SMAD1: variants seen among roughly 807,000 people sequenced by gnomAD.
The protein encoded by SMAD1 is MAD, mothers against decapentaplegic homolog 1.
In SMAD1, 6 loss-of-function variants were observed where a neutral mutation model predicts 41.6. That is an observed-to-expected ratio of 0.14 (90% CI 0.08 to 0.28). The LOEUF (loss-of-function observed/expected upper bound fraction) is 0.28. Ranked by LOEUF, SMAD1 falls within the 10% of genes least tolerant of loss-of-function variation. SMAD1 has a pLI of 1.00. For missense variants in SMAD1, 379 were observed against 582.6 expected (o/e 0.65, Z 3.60); for synonymous variants, 206 against 203.2 (o/e 1.01, Z -0.12).
intron 5 of SMAD1, 152 bp downstream of exon 5, chr4:145,547,076 C>A (rs1732288094): frequency 1.5e-6 from 1 of 665,852 alleles, no homozygotes; most frequent in Non-Finnish European, 2.6e-6. Context: ...CCAGTTTCTG[C>A]TATCTGGAAG....
chr4:145,557,738 A>T, intron 6 of SMAD1, 53 bp from the exon 7 acceptor site: 1 of 1,397,580 alleles, frequency 7.2e-7, no homozygotes, highest in Non-Finnish European at 9.8e-7. Flanking sequence ...TTACTTAATA[A>T]GTTTAACCAC....
At chr4:145,498,187 A>T (rs1289446448) in intron 1 of SMAD1, 2 of 152,222 alleles carry the variant, frequency 1.3e-5, no homozygotes, top group Non-Finnish European at 2.9e-5. Flanking sequence ...AACAGTTAAT[A>T]AAAAGGGGAG....
chr4:145,501,513 C>T (rs1402486210), intron 1 of SMAD1, among the ~76,000 whole-genome samples: 7 of 152,170 alleles, frequency 4.6e-5, no homozygotes, highest in East Asian at 3.9e-4. Context: ...GAGTTCAGGC[C>T]GTCCTGCTTT....
At chr4:145,524,842 A>G (rs1030333366) in intron 2 of SMAD1, among the ~76,000 whole-genome samples, 1 of 152,204 alleles carries the variant, frequency 6.6e-6, no homozygotes, top group African/African-American at 2.4e-5. Context: ...AACCATAGAA[A>G]AACATTTGTC....
chr4:145,511,918 C>T (rs1231906138), intron 1 of SMAD1, among the ~76,000 whole-genome samples: 1 of 152,154 alleles, frequency 6.6e-6, no homozygotes, highest in African/African-American at 2.4e-5. Context: ...CTGAAGAATT[C>T]CTGTTAGTAT....
At chr4:145,534,989 A>G (rs1262235313) in intron 2 of SMAD1, among the ~76,000 whole-genome samples, 1 of 152,192 alleles carries the variant, frequency 6.6e-6, no homozygotes, top group Non-Finnish European at 1.5e-5. Flanking sequence ...ACAGGCTAGT[A>G]TCTCTAGTAT....
chr4:145,527,316 C>G (rs893913287), intron 2 of SMAD1, among the ~76,000 whole-genome samples: 1 of 151,356 alleles, frequency 6.6e-6, no homozygotes, highest in Non-Finnish European at 1.5e-5. Flanking sequence ...CTCCGCCTCC[C>G]GGGTTCACGC....
At chr4:145,532,354 T>A (rs1731363383) in intron 2 of SMAD1, among the ~76,000 whole-genome samples, 1 of 152,206 alleles carries the variant, frequency 6.6e-6, no homozygotes, top group Admixed American at 6.5e-5. Context: ...GAAGATAGCT[T>A]CAGCCTTTTA....
At chr4:145,512,937 G>T (rs1180008505) in intron 1 of SMAD1, among the ~76,000 whole-genome samples, 1 of 152,208 alleles carries the variant, frequency 6.6e-6, no homozygotes, top group Non-Finnish European at 1.5e-5. Context: ...TGTAAAGACT[G>T]ATCCGTTTCA....
Position 145,514,362 on chromosome 4 carries a change from C to A in SMAD1, c.-176-76C>A. The A allele has an allele frequency of 2.4e-6, 1 of 417,510 alleles. No homozygotes were observed. 25.9% of individuals were successfully genotyped at this position (417,510 alleles called of 1,614,324 possible). ...TACATAAAAGCACTTAAAATAGTACCTAGCACATGGTGATTACTTAATAAA... is the reference window on the plus strand; with the variant it reads ...TACATAAAAGCACTTAAAATAGTACATAGCACATGGTGATTACTTAATAAA... On this transcript the variant is annotated intron_variant, in intron 1 of 6. Coordinates refer to ENST00000302085, the MANE Select transcript of SMAD1 (RefSeq NM_005900.3). The surrounding 1 kb of genome is among the most constrained non-coding windows in gnomAD (Gnocchi z 4.7).
intron 5 of SMAD1, among the ~76,000 whole-genome samples, chr4:145,549,877 A>G (rs1732463431): frequency 6.6e-6 from 1 of 152,240 alleles, no homozygotes. Flanking sequence ...ATACATAGAT[A>G]TCTTTCTGTG....
chr4:145,500,596 A>G (rs915095406), intron 1 of SMAD1, among the ~76,000 whole-genome samples: 1 of 152,158 alleles, frequency 6.6e-6, no homozygotes, highest in Non-Finnish European at 1.5e-5. Flanking sequence ...CCACCAAGGC[A>G]CAGAAACAGA....
chr4:145,497,351 T>C (rs1729141750), intron 1 of SMAD1: 1 of 152,236 alleles, frequency 6.6e-6, no homozygotes, highest in African/African-American at 2.4e-5. Flanking sequence ...GCACGTATGT[T>C]TCTCCTTAGA....
intron 1 of SMAD1, chr4:145,497,288 C>T (rs968512477): frequency 1.3e-5 from 2 of 152,190 alleles, no homozygotes; most frequent in Non-Finnish European, 2.9e-5. Flanking sequence ...TAACACCGAG[C>T]TCAGGATGCG....
At chr4:145,513,671 C>T (rs1167947989) in intron 1 of SMAD1, among the ~76,000 whole-genome samples, 1 of 151,946 alleles carries the variant, frequency 6.6e-6, no homozygotes, top group Non-Finnish European at 1.5e-5. Context: ...ATTTGTAGAA[C>T]AAACCAAAAA....
At chr4:145,511,062 T>A (rs1050357960) in intron 1 of SMAD1, among the ~76,000 whole-genome samples, 3 of 152,168 alleles carry the variant, frequency 2.0e-5, no homozygotes, top group African/African-American at 7.2e-5. Flanking sequence ...ATTTTTCCAC[T>A]CTCTTGCTTT....
At chr4:145,542,723 CT>C in intron 4 of SMAD1, 25 bp downstream of exon 4, 4 of 1,461,524 alleles carry the variant, frequency 2.7e-6, no homozygotes, top group South Asian at 1.2e-5. Context: ...TGCCTGTTCC[CT>C]TTTTTAGAGT....
chr4:145,481,777 G>GCGGA, upstream of SMAD1: 1 of 191,664 alleles, frequency 5.2e-6, no homozygotes, highest in South Asian at 1.0e-4. Context: ...GGGCGGGCGG[G>GCGGA]CAGGCGAGTG....
At chr4:145,538,754 T>C (rs1213550916) in intron 2 of SMAD1, among the ~76,000 whole-genome samples, 8 of 152,312 alleles carry the variant, frequency 5.3e-5, no homozygotes, top group Admixed American at 3.9e-4. Context: ...CGGGCTGCTT[T>C]TCTGTTTGTA....
Sources: gnomAD v4.1 joint callset for allele counts (sites outside exome capture counted in the v4.1 genomes callset) on GRCh38, gnomAD v4.1.1 for gene constraint, Gnocchi (gnomAD v3.1) non-coding constraint, MANE v1.5 for transcripts, NCBI Gene and HGNC (gene_info 2026-07-23, HGNC 2026-07-21) for gene names.